GK5: variants seen among roughly 807,000 people sequenced by gnomAD.
GK5 encodes the protein ATP:glycerol 3-phosphotransferase 5.
Under a neutral mutation model 77.3 loss-of-function variants are expected in GK5, and 39 were observed. The ratio of observed to expected loss-of-function variants is 0.50; its 90% CI spans 0.39 to 0.66. The LOEUF (loss-of-function observed/expected upper bound fraction) is 0.66, where lower values mean the gene tolerates loss of function less well. Ranked by LOEUF, GK5 falls within the 30% of genes least tolerant of loss-of-function variation. The pLI, the probability that GK5 is intolerant of heterozygous loss-of-function variation, is 0.00. For missense variants in GK5, 487 were observed against 633.8 expected (o/e 0.77, Z 2.49); for synonymous variants, 211 against 208.0 (o/e 1.01, Z -0.13).
rs2063433981 is a variant in GK5, at chr3:142,162,620, T to G, written c.*3002A>C. ...CTAAAAATATCTGATAGATCTATAA[T>G]GGGAAAATAAAACATGCTGAGAAGT... On this transcript the variant is annotated 3_prime_UTR_variant, in exon 16 of 16. Coordinates refer to ENST00000392993, the MANE Select transcript of GK5 (RefSeq NM_001039547.3). 6.6e-6 allele frequency: 1 copy of G among 152,190 alleles called. No individual in the cohort carries two copies. The highest frequency in any genetic ancestry group is 6.5e-5 in the Admixed American group (1 of 15,278). The allele number at this position is 152,190 out of a possible 1,614,324, so 9.4% of individuals were successfully genotyped here.
At chr3:142,201,472 G>A (rs2064020391) in intron 4 of GK5, among the ~76,000 whole-genome samples, 1 of 152,192 alleles carries the variant, frequency 6.6e-6, no homozygotes, top group Non-Finnish European at 1.5e-5. Flanking sequence ...GTTGCCAGGA[G>A]CTAGGAATGA....
At position 142,215,623 on chromosome 3, in the gene GK5, C is replaced by G. The variant is rs1301483777; in HGVS notation, c.217G>C (p.Ala73Pro). Reference protein sequence around the residue: ...DPDVLWIQFVAVIKEAVKAAG... With the variant: ...DPDVLWIQFVPVIKEAVKAAG... ...CCTTTGACTGCTTCTTTTATTACGG[C>G]AACAAATTGAATCCAAAGAACATCA... is the stretch of plus-strand genomic sequence containing the variant. Residue 73 changes from alanine to proline, a missense_variant, in exon 2 of 16, where the codon GCC (alanine) becomes CCC (proline). Transcript: ENST00000392993. 1.3e-6 allele frequency: 2 copies of G among 1,585,738 alleles called. No individual in the cohort carries two copies. The highest frequency in any genetic ancestry group is 2.2e-5 in the South Asian group (2 of 89,012).
intron 5 of GK5, among the ~76,000 whole-genome samples, chr3:142,192,856 A>G (rs1198685212): frequency 6.6e-6 from 1 of 152,228 alleles, no homozygotes; most frequent in East Asian, 1.9e-4. Flanking sequence ...CTAACAAGGC[A>G]CAAAAATACA....
chr3:142,180,932 C>A (rs1560214997), intron 11 of GK5, among the ~76,000 whole-genome samples: 1 of 152,170 alleles, frequency 6.6e-6, no homozygotes, highest in Non-Finnish European at 1.5e-5. Context: ...GAGAACTAAT[C>A]TCCAGGCAAA....
At chr3:142,173,748 T>G (rs1469242120) in intron 12 of GK5, among the ~76,000 whole-genome samples, 1 of 152,056 alleles carries the variant, frequency 6.6e-6, no homozygotes, top group East Asian at 1.9e-4. Flanking sequence ...TGCTGGAGCT[T>G]GCAGTCTCAC....
At chr3:142,211,789 C>T (rs1424526382) in intron 3 of GK5, among the ~76,000 whole-genome samples, 1 of 152,092 alleles carries the variant, frequency 6.6e-6, no homozygotes, top group Non-Finnish European at 1.5e-5. Flanking sequence ...GTGAAGACCT[C>T]ATCCCCCAAA....
intron 6 of GK5, 112 bp from the exon 7 acceptor site, chr3:142,186,625 A>G (rs1003077178): frequency 5.9e-5 from 20 of 339,172 alleles, no homozygotes; most frequent in Non-Finnish European, 9.8e-5. Context: ...CAAAATGTGT[A>G]TTTTCTTTTT....
chr3:142,174,561 T>C (rs1165022576), intron 12 of GK5, among the ~76,000 whole-genome samples: 2 of 152,196 alleles, frequency 1.3e-5, no homozygotes, highest in African/African-American at 4.8e-5. Flanking sequence ...TGGGCAAAAC[T>C]AGTAGTCTCC....
intron 10 of GK5, among the ~76,000 whole-genome samples, chr3:142,182,491 C>A (rs1204972862): frequency 6.6e-6 from 1 of 151,896 alleles, no homozygotes; most frequent in Non-Finnish European, 1.5e-5. Context: ...ATTACAGGTG[C>A]CGGACACCAT....
chr3:142,172,563 G>T, intron 12 of GK5, 107 bp from the exon 13 acceptor site: 1 of 510,692 alleles, frequency 2.0e-6, no homozygotes, highest in Non-Finnish European at 3.5e-6. Flanking sequence ...AGAAAATAAT[G>T]CTATGGTTAA....
At chr3:142,195,675 A>G (rs1445066794) in intron 5 of GK5, among the ~76,000 whole-genome samples, 1 of 152,156 alleles carries the variant, frequency 6.6e-6, no homozygotes, top group East Asian at 1.9e-4. Context: ...TTGCATTTGT[A>G]TTCATAAGGA....
intron 10 of GK5, among the ~76,000 whole-genome samples, chr3:142,182,352 T>C (rs2063708410): frequency 6.6e-6 from 1 of 150,768 alleles, no homozygotes; most frequent in Non-Finnish European, 1.5e-5. Context: ...GTAAGAAGAT[T>C]TTTTTTTTTG....
chr3:142,171,293 T>G, intron 14 of GK5, 126 bp downstream of exon 14: 1 of 891,080 alleles, frequency 1.1e-6, no homozygotes, highest in Non-Finnish European at 1.6e-6. Flanking sequence ...GAAATTATTT[T>G]TGAAATCCTC....
chr3:142,220,451 C>T (rs554352298), intron 1 of GK5, among the ~76,000 whole-genome samples: 69 of 152,112 alleles, frequency 4.5e-4, no homozygotes, highest in Non-Finnish European at 2.1e-4. Context: ...GTTTTTAATA[C>T]GAACAGTGAG....
At chr3:142,188,260 G>A (rs1022240583) in intron 5 of GK5, among the ~76,000 whole-genome samples, 4 of 152,036 alleles carry the variant, frequency 2.6e-5, no homozygotes, top group East Asian at 1.9e-4. Context: ...GGCCAGGCAC[G>A]GTGGCTCACA....
At chr3:142,187,830 T>C in intron 5 of GK5, 51 bp from the exon 6 acceptor site, 3 of 1,340,150 alleles carry the variant, frequency 2.2e-6, no homozygotes, top group Non-Finnish European at 3.2e-6. Context: ...AATTACTAAG[T>C]GCATGATTAA....
intron 12 of GK5, among the ~76,000 whole-genome samples, chr3:142,174,862 A>G (rs924810021): frequency 8.5e-5 from 13 of 152,216 alleles, no homozygotes; most frequent in African/African-American, 3.1e-4. Flanking sequence ...AAAAGACCTC[A>G]TCAATGGGGG....
chr3:142,194,000 C>A (rs2063894353), intron 5 of GK5, among the ~76,000 whole-genome samples: 1 of 152,144 alleles, frequency 6.6e-6, no homozygotes, highest in Non-Finnish European at 1.5e-5. Flanking sequence ...CTCGGCCTCC[C>A]AAAGTGCTGG....
At chr3:142,176,953 G>A (rs139308002) in intron 12 of GK5, among the ~76,000 whole-genome samples, 1,531 of 152,046 alleles carry the variant, frequency 0.01, 26 homozygotes, top group African/African-American at 0.034. Flanking sequence ...GAGCCACCGC[G>A]CCCAGCCAAG....
Sources: allele counts gnomAD v4.1 joint callset (sites outside exome capture counted in the v4.1 genomes callset), GRCh38; gene constraint gnomAD v4.1.1; transcripts MANE v1.5; gene names NCBI Gene and HGNC (gene_info 2026-07-23, HGNC 2026-07-21).